WDFY3: variants seen among roughly 807,000 people sequenced by gnomAD.
The protein encoded by WDFY3 is WD repeat and FYVE domain-containing protein 3.
In WDFY3, 66 loss-of-function variants were observed where a neutral mutation model predicts 409.6. The ratio of observed to expected loss-of-function variants is 0.16; its 90% CI spans 0.13 to 0.20. The LOEUF (loss-of-function observed/expected upper bound fraction) is 0.20. WDFY3 is among the 10% of genes least tolerant of loss of function. The pLI, the probability that WDFY3 is intolerant of heterozygous loss-of-function variation, is 1.00. For missense variants in WDFY3, 3,031 were observed against 4,298.1 expected (o/e 0.71, Z 8.24); for synonymous variants, 1,521 against 1,537.1 (o/e 0.99, Z 0.25).
At chr4:84,709,423 T>C in intron 51 of WDFY3, 76 bp from the exon 52 acceptor site, 2 of 1,327,690 alleles carry the variant, frequency 1.5e-6, no homozygotes, top group South Asian at 1.3e-5. Context: ...TTGAAAAATT[T>C]AAGTCACCTG....
Position 84,771,468 on chromosome 4 carries a change from T to TTACATA in WDFY3, c.4849+1361_4849+1366dup, listed in dbSNP as rs987403600. 7.2e-5 allele frequency among the ~76,000 whole-genome samples: 11 copies of TTACATA among 152,198 alleles called. No individual in the cohort carries two copies. In the East Asian group the frequency reaches 1.7e-3, roughly 24 times the overall value. On this transcript the variant is annotated intron_variant, in intron 30 of 67. Transcript: ENST00000295888. ...ATTTTTTATACTTGAAATAAATGCA[T>TTACATA]TACATATTTCAGCAATCTTTAAAGC...
intron 3 of WDFY3, among the ~76,000 whole-genome samples, chr4:84,883,932 T>C (rs1424367537): frequency 1.3e-5 from 2 of 152,156 alleles, no homozygotes; most frequent in South Asian, 2.1e-4. Flanking sequence ...TAACGTTCTA[T>C]TTAATGATCA....
chr4:84,703,957 T>C (rs1485115685), intron 55 of WDFY3, among the ~76,000 whole-genome samples: 1 of 152,204 alleles, frequency 6.6e-6, no homozygotes, highest in Non-Finnish European at 1.5e-5. Flanking sequence ...TGGCACACAG[T>C]AGGTATTTAT....
Position 84,713,147 on chromosome 4 carries a change from C to T in WDFY3, c.8042+12G>A, listed in dbSNP as rs1733235000. 1 of 1,613,726 alleles carries T rather than the reference C, an allele frequency of 6.2e-7. No individual in the cohort carries two copies. Among genetic ancestry groups the T allele is most frequent in the Non-Finnish European group, 8.5e-7 (1 of 1,179,658 alleles). ...CTATTAAACTGTAACATGCAAGGAACAAACCACCTACCCCTGCTCCACACT... is the reference window on the plus strand; with the variant it reads ...CTATTAAACTGTAACATGCAAGGAATAAACCACCTACCCCTGCTCCACACT... On this transcript the variant is annotated intron_variant, in intron 51 of 67. Coordinates refer to ENST00000295888, the MANE Select transcript of WDFY3 (RefSeq NM_014991.6).
At chr4:84,864,126 G>C (rs780545319) in intron 3 of WDFY3, among the ~76,000 whole-genome samples, 95 of 152,210 alleles carry the variant, frequency 6.2e-4, no homozygotes, top group Non-Finnish European at 7.9e-4. Context: ...CAGCATTTTG[G>C]GAGGACGAGG....
intron 3 of WDFY3, among the ~76,000 whole-genome samples, chr4:84,863,192 A>C (rs978559706): frequency 1.2e-4 from 19 of 152,238 alleles, no homozygotes; most frequent in African/African-American, 4.3e-4. Flanking sequence ...ATGGGAGTGC[A>C]GGCATCTCTT....
intron 1 of WDFY3, among the ~76,000 whole-genome samples, chr4:84,948,975 C>T (rs989815385): frequency 6.6e-6 from 1 of 152,088 alleles, no homozygotes; most frequent in Non-Finnish European, 1.5e-5. Flanking sequence ...CCTTGAATTC[C>T]CATTAATAGG....
chr4:84,819,139 A>G (rs528049028), intron 12 of WDFY3, among the ~76,000 whole-genome samples: 118 of 152,238 alleles, frequency 7.8e-4, no homozygotes, highest in African/African-American at 2.7e-3. Context: ...AATTTGTATC[A>G]GACTAATTAC....
chr4:84,758,647 G>A (rs975216901), intron 32 of WDFY3, among the ~76,000 whole-genome samples: 1 of 151,936 alleles, frequency 6.6e-6, no homozygotes, highest in Non-Finnish European at 1.5e-5. Flanking sequence ...TTATGTCTAG[G>A]TTGCTTTCAA....
chr4:84,675,865 A>G (rs1322598359), intron 67 of WDFY3, among the ~76,000 whole-genome samples: 1 of 152,198 alleles, frequency 6.6e-6, no homozygotes, highest in Admixed American at 6.5e-5. Context: ...ATCTATAGCC[A>G]TGGGACCACT....
chr4:84,687,807 T>C (rs1047301487), intron 62 of WDFY3: 4 of 276,050 alleles, frequency 1.4e-5, no homozygotes, highest in Admixed American at 1.0e-4. Context: ...CATGGGAATT[T>C]TGATCTGCTC....
chr4:84,888,420 C>A (rs1764505702), intron 3 of WDFY3, among the ~76,000 whole-genome samples: 1 of 151,906 alleles, frequency 6.6e-6, no homozygotes, highest in African/African-American at 2.4e-5. Flanking sequence ...ATGAGCAATT[C>A]TTTTATTAAT....
intron 4 of WDFY3, among the ~76,000 whole-genome samples, chr4:84,856,520 C>A (rs566444422): frequency 6.6e-6 from 1 of 152,034 alleles, no homozygotes; most frequent in Non-Finnish European, 1.5e-5. Flanking sequence ...TCAGACTTCA[C>A]CATAATCTTT....
intron 36 of WDFY3, among the ~76,000 whole-genome samples, chr4:84,748,886 CTT>C (rs767776382): frequency 9.7e-5 from 14 of 145,076 alleles, no homozygotes; most frequent in African/African-American, 1.0e-4. Flanking sequence ...TTCTCTCTCT[CTT>C]TTTTTTTTTT....
chr4:84,788,688 T>A (rs1452166305), intron 22 of WDFY3, among the ~76,000 whole-genome samples: 1 of 152,206 alleles, frequency 6.6e-6, no homozygotes, highest in African/African-American at 2.4e-5. Context: ...CTTTTCAAAC[T>A]TTAATTCACA....
chr4:84,910,337 T>C (rs919331177), intron 2 of WDFY3, among the ~76,000 whole-genome samples: 1 of 152,112 alleles, frequency 6.6e-6, no homozygotes, highest in East Asian at 1.9e-4. Flanking sequence ...GATGATTGTA[T>C]ATTAGAAACA....
chr4:84,932,597 G>T (rs1770899477), intron 1 of WDFY3, among the ~76,000 whole-genome samples: 1 of 152,110 alleles, frequency 6.6e-6, no homozygotes, highest in African/African-American at 2.4e-5. Flanking sequence ...TCATTTTACT[G>T]ATAAGGAAAC....
intron 17 of WDFY3, among the ~76,000 whole-genome samples, chr4:84,800,515 G>A (rs1316340401): frequency 1.3e-5 from 2 of 152,018 alleles, no homozygotes; most frequent in African/African-American, 4.8e-5. Flanking sequence ...ATAATAAAAA[G>A]AAAAAACTAC....
intron 45 of WDFY3, among the ~76,000 whole-genome samples, chr4:84,726,240 T>C (rs1347260730): frequency 1.3e-5 from 2 of 152,162 alleles, no homozygotes; most frequent in African/African-American, 2.4e-5. Flanking sequence ...AGATTTAAAA[T>C]TGACCTAAAA....
Sources: gnomAD v4.1 joint callset for allele counts (sites outside exome capture counted in the v4.1 genomes callset) on GRCh38, gnomAD v4.1.1 for gene constraint, MANE v1.5 for transcripts, NCBI Gene and HGNC (gene_info 2026-07-23, HGNC 2026-07-21) for gene names.